Variants in RBFOX1 observed in about 807,000 individuals in gnomAD.
RBFOX1 encodes RNA binding fox-1 homolog 1.
Under a neutral mutation model 57.7 loss-of-function variants are expected in RBFOX1, and 8 were observed. The ratio of observed to expected loss-of-function variants is 0.14; its 90% CI spans 0.08 to 0.25. The LOEUF is 0.25. RBFOX1 is among the 10% of genes least tolerant of loss of function. RBFOX1 has a pLI of 1.00. For synonymous variants in RBFOX1, 326 were observed against 222.4 expected (o/e 1.47, Z -4.15); for missense variants, 611 against 548.5 (o/e 1.11, Z -1.14).
chr16:5,527,545 C>A (rs186906136), intron 2 of RBFOX1, among the ~76,000 whole-genome samples: 27 of 152,226 alleles, frequency 1.8e-4, no homozygotes, highest in African/African-American at 6.3e-4. Context: ...GTGTTTGAGC[C>A]ACTGAATATG....
chr16:7,589,640 G>A (rs2094330849), intron 7 of RBFOX1, among the ~76,000 whole-genome samples: 1 of 151,864 alleles, frequency 6.6e-6, no homozygotes, highest in African/African-American at 2.4e-5. Flanking sequence ...CAGTCCAGTT[G>A]GGACTGCTAA....
intron 3 of RBFOX1, among the ~76,000 whole-genome samples, chr16:6,960,998 G>C (rs1421077376): frequency 2.0e-5 from 3 of 146,616 alleles, no homozygotes; most frequent in South Asian, 4.3e-4. Context: ...AAAAAAATTA[G>C]CTGGGCATGG....
chr16:6,747,893 T>C (rs1309352875), intron 3 of RBFOX1, among the ~76,000 whole-genome samples: 2 of 152,156 alleles, frequency 1.3e-5, no homozygotes, highest in Non-Finnish European at 2.9e-5. Flanking sequence ...GGCTTCACCA[T>C]TGTAAAACTG....
At chr16:6,101,452 G>A (rs900888861) in intron 1 of RBFOX1, among the ~76,000 whole-genome samples, 2 of 151,994 alleles carry the variant, frequency 1.3e-5, no homozygotes, top group African/African-American at 4.8e-5. Flanking sequence ...TGATGGTTTT[G>A]TATCTTCTAC....
intron 3 of RBFOX1, among the ~76,000 whole-genome samples, chr16:7,005,947 C>G (rs2093261277): frequency 6.6e-6 from 1 of 152,096 alleles, no homozygotes; most frequent in Non-Finnish European, 1.5e-5. Flanking sequence ...GAGAAAAGCC[C>G]CAATTCTTTA....
chr16:6,225,677 A>C (rs2097411522), intron 1 of RBFOX1, among the ~76,000 whole-genome samples: 1 of 152,194 alleles, frequency 6.6e-6, no homozygotes, highest in African/African-American at 2.4e-5. Context: ...TTTAGGCATA[A>C]AATGTAATAC....
chr16:6,136,690 T>A (rs1431723417), intron 1 of RBFOX1, among the ~76,000 whole-genome samples: 2 of 152,156 alleles, frequency 1.3e-5, no homozygotes, highest in African/African-American at 4.8e-5. Flanking sequence ...TGTGTTTTAT[T>A]CATAAGGAAG....
At chr16:6,484,115 G>T (rs2095423106) in intron 2 of RBFOX1, among the ~76,000 whole-genome samples, 1 of 152,256 alleles carries the variant, frequency 6.6e-6, no homozygotes, top group Admixed American at 6.5e-5. Context: ...CATTGGCTCC[G>T]TTTAACTTTA....
intron 3 of RBFOX1, among the ~76,000 whole-genome samples, chr16:6,673,961 A>C (rs1457983284): frequency 6.6e-6 from 1 of 152,198 alleles, no homozygotes; most frequent in African/African-American, 2.4e-5. Context: ...TCCAGAACAA[A>C]GGAAGGAGAC....
At chr16:6,556,266 G>C (rs57829877) in intron 2 of RBFOX1, among the ~76,000 whole-genome samples, 16,770 of 152,076 alleles carry the variant, frequency 0.11, 2,456 homozygotes, top group African/African-American at 0.34. Flanking sequence ...GTACAAAAAG[G>C]CATCTTTGTC....
intron 3 of RBFOX1, among the ~76,000 whole-genome samples, chr16:6,977,634 CG>C (rs1283227922): frequency 1.3e-5 from 2 of 152,100 alleles, no homozygotes; most frequent in Non-Finnish European, 2.9e-5. Flanking sequence ...GGCAGGCCCC[CG>C]GCTGGTCATC....
intron 4 of RBFOX1, among the ~76,000 whole-genome samples, chr16:7,455,785 C>CAAAAAAAAAA (rs369544031): frequency 3.3e-4 from 27 of 82,204 alleles, no homozygotes; most frequent in Middle Eastern, 7.1e-3. Context: ...GACTCCATCT[C>CAAAAAAAAAA]AAAAAAAAAA....
At chr16:6,903,988 A>G (rs1162580934) in intron 3 of RBFOX1, among the ~76,000 whole-genome samples, 1 of 152,120 alleles carries the variant, frequency 6.6e-6, no homozygotes, top group Non-Finnish European at 1.5e-5. Context: ...CATCCCAGGG[A>G]GTGACCACGT....
intron 4 of RBFOX1, among the ~76,000 whole-genome samples, chr16:7,364,072 A>C (rs370409672): frequency 6.6e-6 from 1 of 152,240 alleles, no homozygotes; most frequent in East Asian, 1.9e-4. Flanking sequence ...CCCAAGTCCT[A>C]TTAAAGCTCA....
intron 3 of RBFOX1, among the ~76,000 whole-genome samples, chr16:6,794,247 T>A (rs1567273024): frequency 6.6e-6 from 1 of 151,540 alleles, no homozygotes; most frequent in Non-Finnish European, 1.5e-5. Flanking sequence ...CTCTTCACTT[T>A]GCTCCATGTT....
At chr16:7,106,981 T>TTAAAAA (rs67475582) in intron 4 of RBFOX1, among the ~76,000 whole-genome samples, 1,470 of 138,432 alleles carry the variant, frequency 0.011, 15 homozygotes, top group African/African-American at 0.031. Flanking sequence ...GCCACACAGT[T>TTAAAAA]AAAACACACA....
At chr16:7,442,529 G>A (rs2098776728) in intron 4 of RBFOX1, among the ~76,000 whole-genome samples, 1 of 152,158 alleles carries the variant, frequency 6.6e-6, no homozygotes, top group Non-Finnish European at 1.5e-5. Flanking sequence ...GCCGCAAACT[G>A]CTTTTGCCCA....
intron 3 of RBFOX1, among the ~76,000 whole-genome samples, chr16:6,950,196 G>A (rs1454928166): frequency 6.8e-6 from 1 of 147,848 alleles, no homozygotes; most frequent in East Asian, 2.0e-4. Flanking sequence ...GACCTCAAGT[G>A]ATCCACCTGC....
At chr16:5,313,038 A>C (rs2064134876) in intron 1 of RBFOX1, among the ~76,000 whole-genome samples, 1 of 151,734 alleles carries the variant, frequency 6.6e-6, no homozygotes, top group South Asian at 2.1e-4. Flanking sequence ...GATGAGATGT[A>C]ATTCCATTTT....
Sources: gnomAD v4.1 joint callset for allele counts (sites outside exome capture counted in the v4.1 genomes callset) on GRCh38, gnomAD v4.1.1 for gene constraint, MANE v1.5 for transcripts, NCBI Gene and HGNC (gene_info 2026-07-23, HGNC 2026-07-21) for gene names.